Variants in WARS2 observed in about 807,000 individuals in gnomAD.
The protein encoded by WARS2 is tryptophanyl tRNA synthetase 2, mitochondrial, also known as tryptophan--tRNA ligase, mitochondrial.
A neutral mutation model predicts 36.5 loss-of-function variants in WARS2; 28 were observed. The observed-to-expected ratio is 0.77, with a 90% CI of 0.57 to 1.05. The LOEUF (loss-of-function observed/expected upper bound fraction) is 1.05. Among genes scored for constraint, WARS2 ranks in the 50% least tolerant of loss-of-function variants. The probability of loss-of-function intolerance (pLI) is 0.00; values close to 1 mark genes in which losing one functional copy is unlikely to be tolerated. For synonymous variants in WARS2, 174 were observed against 178.4 expected, an observed-to-expected ratio of 0.98 and a Z score of 0.20; for missense variants, 435 against 456.8, an observed-to-expected ratio of 0.95 and a Z score of 0.44.
intron 2 of WARS2, among the ~76,000 whole-genome samples, chr1:119,058,322 T>TTA (rs1553237986): frequency 9.5e-4 from 140 of 146,652 alleles, no homozygotes; most frequent in Middle Eastern, 7.0e-3. Context: ...TTTTTTTTTT[T>TTA]ATACTTTAAG....
At chr1:119,090,582 A>C (rs1325136892) in intron 1 of WARS2, among the ~76,000 whole-genome samples, 1 of 152,206 alleles carries the variant, frequency 6.6e-6, no homozygotes, top group African/African-American at 2.4e-5. Context: ...AATTTTAAAA[A>C]TAAGCCTGGG....
intron 1 of WARS2, among the ~76,000 whole-genome samples, chr1:119,110,470 G>A (rs968672529): frequency 6.6e-5 from 10 of 151,872 alleles, no homozygotes; most frequent in African/African-American, 9.6e-5. Flanking sequence ...TTTTGCTTGC[G>A]TGGATTCTGA....
At chr1:119,076,865 C>T (rs901408765) in intron 1 of WARS2, among the ~76,000 whole-genome samples, 4 of 151,948 alleles carry the variant, frequency 2.6e-5, no homozygotes, top group Non-Finnish European at 4.4e-5. Context: ...TGCAGCCGGG[C>T]GTGGTGGCTC....
chr1:119,124,304 C>T (rs1355451760), intron 1 of WARS2, among the ~76,000 whole-genome samples: 1 of 152,088 alleles, frequency 6.6e-6, no homozygotes, highest in East Asian at 1.9e-4. Context: ...ACCAGCCTGA[C>T]CAACATAGTG....
chr1:119,069,378 C>T (rs28606391), intron 2 of WARS2, among the ~76,000 whole-genome samples: 8,332 of 152,188 alleles, frequency 0.055, 421 homozygotes, highest in East Asian at 0.19. Flanking sequence ...CTTTCTGTTA[C>T]ATATTTAATG....
Position 119,111,277 on chromosome 1 carries a change from T to C in WARS2, c.90+29278A>G, listed in dbSNP as rs116636490. Among the ~76,000 whole-genome samples, 833 of 152,274 alleles carry C rather than the reference T, an allele frequency of 5.5e-3. 8 individuals carry two copies. The highest frequency in any genetic ancestry group is 0.019 in the African/African-American group (787 of 41,560). ...CTTTTAATAGTGTAGTGGCAAGTTGTAGGGGGTGATGAAGTATTCTACAGT... is the reference window on the plus strand; with the variant it reads ...CTTTTAATAGTGTAGTGGCAAGTTGCAGGGGGTGATGAAGTATTCTACAGT... On this transcript the variant is annotated intron_variant, in intron 1 of 5. Coordinates refer to ENST00000235521, the MANE Select transcript of WARS2 (RefSeq NM_015836.4).
intron 4 of WARS2, among the ~76,000 whole-genome samples, chr1:119,037,520 C>T (rs1348037644): frequency 1.3e-5 from 2 of 152,210 alleles, no homozygotes; most frequent in Non-Finnish European, 2.9e-5. Flanking sequence ...ATTAATTCCT[C>T]ATGACTAGTT....
intron 1 of WARS2, among the ~76,000 whole-genome samples, chr1:119,078,766 G>A (rs1243765640): frequency 6.6e-6 from 1 of 151,924 alleles, no homozygotes; most frequent in Non-Finnish European, 1.5e-5. Flanking sequence ...TTATTGTATG[G>A]CTGTCTTCTA....
intron 2 of WARS2, among the ~76,000 whole-genome samples, chr1:119,067,883 T>C (rs1474781214): frequency 2.6e-5 from 4 of 152,128 alleles, no homozygotes; most frequent in African/African-American, 9.7e-5. Context: ...ACCTATCACC[T>C]GTTCCTATGT....
intron 1 of WARS2, chr1:119,085,704 T>G: frequency 1.3e-6 from 2 of 1,491,038 alleles, no homozygotes; most frequent in South Asian, 1.1e-5. Flanking sequence ...CTGGTCTTCA[T>G]AGCAGAGGAA....
chr1:119,117,309 A>G (rs920125298), intron 1 of WARS2, among the ~76,000 whole-genome samples: 1 of 152,188 alleles, frequency 6.6e-6, no homozygotes, highest in African/African-American at 2.4e-5. Flanking sequence ...AGACTTGCCT[A>G]ACCCTGCACC....
chr1:119,046,291 T>TCTG, intron 2 of WARS2, among the ~76,000 whole-genome samples: 1 of 35,704 alleles, frequency 2.8e-5, no homozygotes, highest in South Asian at 6.9e-4. Context: ...TTCTGTTTTT[T>TCTG]TTTTTTTTTT....
intron 1 of WARS2, among the ~76,000 whole-genome samples, chr1:119,133,784 A>G (rs986769681): frequency 3.0e-4 from 45 of 152,216 alleles, no homozygotes; most frequent in African/African-American, 9.4e-4. Flanking sequence ...CAGTCACTGA[A>G]GTAAAACTTG....
intron 1 of WARS2, among the ~76,000 whole-genome samples, chr1:119,114,669 A>G (rs1353690603): frequency 6.6e-6 from 1 of 152,198 alleles, no homozygotes; most frequent in East Asian, 1.9e-4. Context: ...TACTGTCCAC[A>G]AGAAAAGTAA....
chr1:119,103,991 T>A (rs951463132), intron 1 of WARS2, among the ~76,000 whole-genome samples: 2 of 150,962 alleles, frequency 1.3e-5, no homozygotes, highest in Admixed American at 6.6e-5. Context: ...ATAAAAAATA[T>A]ATTTTTAAAT....
At chr1:119,103,073 C>T (rs1653986015) in intron 1 of WARS2, among the ~76,000 whole-genome samples, 1 of 152,122 alleles carries the variant, frequency 6.6e-6, no homozygotes, top group Non-Finnish European at 1.5e-5. Flanking sequence ...GAAAAGAGAA[C>T]AAGAGAGCTT....
chr1:119,123,709 A>G (rs1202642046), intron 1 of WARS2, among the ~76,000 whole-genome samples: 3 of 152,118 alleles, frequency 2.0e-5, no homozygotes, highest in Non-Finnish European at 4.4e-5. Flanking sequence ...TCTGGATAAT[A>G]CTATCTTGTC....
chr1:119,138,478 CAT>C (rs1193883984), intron 1 of WARS2, among the ~76,000 whole-genome samples: 12 of 152,228 alleles, frequency 7.9e-5, no homozygotes, highest in African/African-American at 2.9e-4. Flanking sequence ...TCAATTTAGA[CAT>C]GTGAAAAATA....
chr1:119,094,787 T>C (rs2101424894), intron 1 of WARS2, among the ~76,000 whole-genome samples: 1 of 152,286 alleles, frequency 6.6e-6, no homozygotes, highest in African/African-American at 2.4e-5. Flanking sequence ...TCTAGACTTG[T>C]TCATCCTACA....
Sources: allele counts gnomAD v4.1 joint callset (sites outside exome capture counted in the v4.1 genomes callset), GRCh38; gene constraint gnomAD v4.1.1; transcripts MANE v1.5; gene names NCBI Gene and HGNC (gene_info 2026-07-23, HGNC 2026-07-21).